The following PLD5 variants were observed in gnomAD, a reference collection of about 807,000 sequenced individuals.
The protein encoded by PLD5 is phospholipase D family member 5.
A neutral mutation model predicts 61.1 loss-of-function variants in PLD5; 36 were observed. That is an observed-to-expected ratio of 0.59 (90% CI 0.45 to 0.78). The LOEUF (loss-of-function observed/expected upper bound fraction) is 0.78, where lower values mean the gene tolerates loss of function less well. Among genes scored for constraint, PLD5 ranks in the 30% least tolerant of loss-of-function variants. The pLI is 0.00. For missense variants in PLD5, 515 were observed against 644.4 expected, an observed-to-expected ratio of 0.80 and a Z score of 2.17; for synonymous variants, 243 against 242.8, an observed-to-expected ratio of 1.00 and a Z score of -0.01.
At chr1:242,326,044 C>T (rs1658756555) in intron 2 of PLD5, among the ~76,000 whole-genome samples, 1 of 152,100 alleles carries the variant, frequency 6.6e-6, no homozygotes, top group South Asian at 2.1e-4. Context: ...TGTGTCACCA[C>T]ATCTGGCTAA....
chr1:242,160,850 A>C lies in PLD5; in HGVS notation c.736-36185T>G, dbSNP rs1045156004. 3.4e-5 allele frequency among the ~76,000 whole-genome samples: 5 copies of C among 148,090 alleles called. No homozygotes were observed. The East Asian group carries it at 9.8e-4, about 29-fold the overall frequency. Reference sequence around the variant, plus strand: ...CAGTGAGCTTTGATCGAGCCACTGCACTCCAGCCTGAGCAACAGAGTGAGA... The same window carrying C: ...CAGTGAGCTTTGATCGAGCCACTGCCCTCCAGCCTGAGCAACAGAGTGAGA... On this transcript the variant is annotated intron_variant, in intron 5 of 9. Coordinates refer to ENST00000536534, the MANE Select transcript of PLD5 (RefSeq NM_001372062.1).
chr1:242,328,067 C>T (rs1297081044), intron 2 of PLD5, among the ~76,000 whole-genome samples: 1 of 151,986 alleles, frequency 6.6e-6, no homozygotes, highest in African/African-American at 2.4e-5. Flanking sequence ...AGAGGAGACC[C>T]TGCTGCTAAA....
chr1:242,223,423 G>C (rs1434042961), intron 4 of PLD5, among the ~76,000 whole-genome samples: 1 of 152,160 alleles, frequency 6.6e-6, no homozygotes, highest in Non-Finnish European at 1.5e-5. Flanking sequence ...ATCAGAAAGT[G>C]GAGTCCTTAC....
At chr1:242,364,640 C>T (rs1661243251) in intron 1 of PLD5, among the ~76,000 whole-genome samples, 1 of 152,046 alleles carries the variant, frequency 6.6e-6, no homozygotes, top group Admixed American at 6.6e-5. Flanking sequence ...CGTTTAAACC[C>T]AGGAGGCGGA....
chr1:242,391,237 C>T (rs1250067426), intron 1 of PLD5, among the ~76,000 whole-genome samples: 3 of 152,110 alleles, frequency 2.0e-5, no homozygotes, highest in African/African-American at 7.2e-5. Flanking sequence ...GTATTTCTGT[C>T]TGTAGTATCT....
chr1:242,169,050 T>TA (rs1666548638), intron 5 of PLD5, among the ~76,000 whole-genome samples: 1 of 151,944 alleles, frequency 6.6e-6, no homozygotes, highest in South Asian at 2.1e-4. Flanking sequence ...ATAAACAATG[T>TA]ATATTAACAC....
chr1:242,494,076 C>CTGCCCTCCCT (rs1668271236), intron 1 of PLD5, among the ~76,000 whole-genome samples: 1 of 127,978 alleles, frequency 7.8e-6, no homozygotes, highest in African/African-American at 3.0e-5. Context: ...CTCCACTCCC[C>CTGCCCTCCCT]TCCCCTGCCC....
At chr1:242,371,038 C>T (rs1661603514) in intron 1 of PLD5, among the ~76,000 whole-genome samples, 1 of 152,130 alleles carries the variant, frequency 6.6e-6, no homozygotes, top group Non-Finnish European at 1.5e-5. Flanking sequence ...GTATTTCATC[C>T]AGTTAAGGGG....
At chr1:242,486,908 G>A (rs563317239) in intron 1 of PLD5, among the ~76,000 whole-genome samples, 2 of 152,260 alleles carry the variant, frequency 1.3e-5, no homozygotes, top group African/African-American at 4.8e-5. Context: ...CATGTCCTTT[G>A]TAGGGACATG....
At chr1:242,349,104 T>C (rs2149221452) in intron 1 of PLD5, among the ~76,000 whole-genome samples, 1 of 152,186 alleles carries the variant, frequency 6.6e-6, no homozygotes, top group African/African-American at 2.4e-5. Flanking sequence ...AAATGTACAT[T>C]TGTTCAGTCC....
chr1:242,466,849 C>T (rs1176166019), intron 1 of PLD5, among the ~76,000 whole-genome samples: 6 of 151,106 alleles, frequency 4.0e-5, no homozygotes, highest in East Asian at 2.0e-4. Flanking sequence ...GCTGAGATTG[C>T]GCCACTGCAC....
intron 1 of PLD5, among the ~76,000 whole-genome samples, chr1:242,506,523 T>C (rs554449876): frequency 1.3e-5 from 2 of 152,232 alleles, no homozygotes; most frequent in African/African-American, 4.8e-5. Flanking sequence ...AATGCATTCA[T>C]GCATTCTAAA....
At chr1:242,107,967 C>T in intron 7 of PLD5, 128 bp from the exon 8 acceptor site, 1 of 857,040 alleles carries the variant, frequency 1.2e-6, no homozygotes, top group Non-Finnish European at 1.7e-6. Context: ...TAAGCAACCT[C>T]ATCGGAGAGG....
Position 242,370,852 on chromosome 1 carries a change from G to T in PLD5, c.190-22610C>A, listed in dbSNP as rs141324233. Among the ~76,000 whole-genome samples, 13 of 152,244 alleles carry T rather than the reference G, an allele frequency of 8.5e-5. No homozygotes were observed. The East Asian group carries it at 2.1e-3, about 25-fold the overall frequency. Reference sequence around the variant, plus strand: ...AAGGTGAGGGCTATTTTGGCCATCTGTATTCTGCACTCTGTTTTTAACAAG... The same window carrying T: ...AAGGTGAGGGCTATTTTGGCCATCTTTATTCTGCACTCTGTTTTTAACAAG... On this transcript the variant is annotated intron_variant, in intron 1 of 9. Coordinates refer to ENST00000536534, the MANE Select transcript of PLD5 (RefSeq NM_001372062.1).
intron 1 of PLD5, among the ~76,000 whole-genome samples, chr1:242,374,672 GA>G (rs1661843449): frequency 6.6e-6 from 1 of 152,122 alleles, no homozygotes; most frequent in Non-Finnish European, 1.5e-5. Flanking sequence ...CCCACACCCA[GA>G]AGGAAGAAAC....
At chr1:242,402,796 C>T (rs192824305) in intron 1 of PLD5, among the ~76,000 whole-genome samples, 18 of 152,226 alleles carry the variant, frequency 1.2e-4, no homozygotes, top group Admixed American at 9.8e-4. Flanking sequence ...GAATAGAAGA[C>T]TGGAAAACAT....
intron 1 of PLD5, among the ~76,000 whole-genome samples, chr1:242,502,672 CGT>C (rs897969504): frequency 1.3e-5 from 2 of 151,444 alleles, no homozygotes; most frequent in Non-Finnish European, 2.9e-5. Flanking sequence ...TGTGTATGTG[CGT>C]GTGTGTGTGT....
intron 1 of PLD5, among the ~76,000 whole-genome samples, chr1:242,494,339 C>T (rs1002146030): frequency 1.5e-4 from 23 of 152,134 alleles, no homozygotes; most frequent in Admixed American, 9.2e-4. Flanking sequence ...CACAGAGCTA[C>T]GTGAACTGCC....
chr1:242,166,671 C>T (rs2148863345), intron 5 of PLD5, among the ~76,000 whole-genome samples: 1 of 152,344 alleles, frequency 6.6e-6, no homozygotes, highest in South Asian at 2.1e-4. Flanking sequence ...ACTCTCCTCG[C>T]ATATCACTAA....
Sources: gnomAD v4.1 joint callset for allele counts (sites outside exome capture counted in the v4.1 genomes callset) on GRCh38, gnomAD v4.1.1 for gene constraint, MANE v1.5 for transcripts, NCBI Gene and HGNC (gene_info 2026-07-23, HGNC 2026-07-21) for gene names.